Variants in TTC13 observed in about 807,000 individuals in gnomAD.
The protein encoded by TTC13 is tetratricopeptide repeat domain 13, also known as tetratricopeptide repeat protein 13.
TTC13 carries 62 observed loss-of-function variants against 120.0 expected under a neutral mutation model. That is an observed-to-expected ratio of 0.52 (90% confidence interval 0.42 to 0.64). The LOEUF (loss-of-function observed/expected upper bound fraction) is 0.64, where lower values mean the gene tolerates loss of function less well. TTC13 is among the 30% of genes least tolerant of loss of function. The pLI, the probability that TTC13 is intolerant of heterozygous loss-of-function variation, is 0.00. For missense variants in TTC13, 824 were observed against 1,050.2 expected (o/e 0.78, Z 2.98); for synonymous variants, 384 against 393.5 (o/e 0.98, Z 0.28).
intron 9 of TTC13, among the ~76,000 whole-genome samples, chr1:230,932,911 C>T (rs1673684348): frequency 6.6e-6 from 1 of 152,210 alleles, no homozygotes; most frequent in Non-Finnish European, 1.5e-5. Flanking sequence ...ACGACCAAGG[C>T]AGAACTAAGT....
chr1:230,916,397 T>A, intron 17 of TTC13, 95 bp from the exon 18 acceptor site: 1 of 941,922 alleles, frequency 1.1e-6, no homozygotes, highest in Non-Finnish European at 1.7e-6. Flanking sequence ...TACATGTTTT[T>A]AAAAAGGGCC....
At chr1:230,971,345 CAAAAAAAAAAAAAA>C (rs11453211) in intron 1 of TTC13, among the ~76,000 whole-genome samples, 1 of 80,824 alleles carries the variant, frequency 1.2e-5, no homozygotes, top group Non-Finnish European at 2.3e-5. Flanking sequence ...GACTCCATCT[CAAAAAAAAAAAAAA>C]AAAAAAAGAC....
At chr1:230,925,094 T>TA in intron 13 of TTC13, 121 bp from the exon 14 acceptor site, 1 of 1,276,566 alleles carries the variant, frequency 7.8e-7, no homozygotes, top group South Asian at 1.3e-5. Context: ...GTATTGGTGA[T>TA]ATAACAAGAC....
At chr1:230,945,514 G>T in intron 4 of TTC13, 60 bp from the exon 5 acceptor site, 1 of 1,520,294 alleles carries the variant, frequency 6.6e-7, no homozygotes, top group Non-Finnish European at 9.1e-7. Flanking sequence ...CAAAAAATCA[G>T]TTTCTGCTTA....
chr1:230,911,844 T>C (rs991080385), intron 19 of TTC13, among the ~76,000 whole-genome samples: 1 of 152,198 alleles, frequency 6.6e-6, no homozygotes, highest in African/African-American at 2.4e-5. Context: ...ATATATATTG[T>C]GACTAAAATT....
intron 1 of TTC13, among the ~76,000 whole-genome samples, chr1:230,963,033 G>C (rs999517335): frequency 9.2e-5 from 14 of 152,138 alleles, no homozygotes; most frequent in African/African-American, 3.4e-4. Context: ...CCACTGAACT[G>C]TTTGCTCTAA....
chr1:230,945,849 C>T (rs569814220), intron 4 of TTC13, among the ~76,000 whole-genome samples: 1 of 152,272 alleles, frequency 6.6e-6, no homozygotes, highest in Admixed American at 6.5e-5. Context: ...ATGCCTGTAA[C>T]TAATGTGTTT....
intron 17 of TTC13, among the ~76,000 whole-genome samples, chr1:230,916,709 A>G (rs1436771237): frequency 6.6e-6 from 1 of 152,232 alleles, no homozygotes; most frequent in African/African-American, 2.4e-5. Flanking sequence ...ACTAGTGCTC[A>G]AAGCAGAGAC....
At chr1:230,926,958 T>C (rs1673105676) in intron 12 of TTC13, among the ~76,000 whole-genome samples, 1 of 152,240 alleles carries the variant, frequency 6.6e-6, no homozygotes, top group Non-Finnish European at 1.5e-5. Flanking sequence ...CAATATACTC[T>C]ACAGTTTGGC....
intron 1 of TTC13, among the ~76,000 whole-genome samples, chr1:230,976,449 A>G (rs1194644234): frequency 6.6e-6 from 1 of 152,202 alleles, no homozygotes; most frequent in African/African-American, 2.4e-5. Context: ...AGTAGCCCCT[A>G]CAACAACAGA....
chr1:230,961,248 G>C lies in TTC13; in HGVS notation c.327C>G (p.Pro109=), dbSNP rs1405037954. ...DSDCEPKGSS[P]CDSLLSLNTE... ...TGTTGAGGGAAAGCAAGGAGTCACAGGGTGATGATCCCTTGGGTTCGCAGT... is the reference window on the plus strand; with the variant it reads ...TGTTGAGGGAAAGCAAGGAGTCACACGGTGATGATCCCTTGGGTTCGCAGT... Residue 109 remains proline (P), a synonymous_variant, in exon 2 of 23, where the codon CCC becomes CCG. Transcript: ENST00000366661. 6.2e-7 allele frequency: 1 copy of C among 1,614,098 alleles called. No homozygotes were observed. The highest frequency in any genetic ancestry group is 1.1e-5 in the South Asian group (1 of 91,038).
intron 8 of TTC13, 96 bp downstream of exon 8, chr1:230,939,290 A>G (rs954997524): frequency 8.1e-6 from 5 of 615,740 alleles, no homozygotes; most frequent in African/African-American, 7.3e-5. Flanking sequence ...GAGCTCAATA[A>G]ATAATAAATA....
rs12759183 is a variant in TTC13 at position 230,978,250 on chromosome 1, C to T, written c.271+310G>A. On this transcript the variant is annotated intron_variant, in intron 1 of 22. Coordinates refer to ENST00000366661, the MANE Select transcript of TTC13 (RefSeq NM_024525.5). The surrounding 1 kb of genome is among the most constrained non-coding windows in gnomAD (Gnocchi z 5.6). ...GAACAGGGCTGCCCCGGGCCACCTG[C>T]CATCTCCTCCGCCACCCTTCCAACA... 0.33 allele frequency among the ~76,000 whole-genome samples: 49,814 copies of T among 152,086 alleles called. 8,424 individuals carry two copies. The highest frequency in any genetic ancestry group is 0.57 in the Middle Eastern group (169 of 294).
At chr1:230,914,634 C>A (rs1021941802) in intron 18 of TTC13, among the ~76,000 whole-genome samples, 1 of 152,146 alleles carries the variant, frequency 6.6e-6, no homozygotes, top group Non-Finnish European at 1.5e-5. Flanking sequence ...ACCTAGTGAT[C>A]CGCCCGCCTT....
chr1:230,964,440 A>G (rs1676938426), intron 1 of TTC13, among the ~76,000 whole-genome samples: 2 of 152,148 alleles, frequency 1.3e-5, no homozygotes, highest in African/African-American at 2.4e-5. Context: ...CATTCTTTTT[A>G]ATCTTTCCCA....
chr1:230,936,724 T>C (rs1674088903), intron 8 of TTC13: 1 of 134,678 alleles, frequency 7.4e-6, no homozygotes, highest in Non-Finnish European at 1.6e-5. Context: ...AATTTCTAAA[T>C]TGCTGTTGGC....
intron 1 of TTC13, among the ~76,000 whole-genome samples, chr1:230,975,695 T>A: frequency 6.6e-6 from 1 of 152,086 alleles, no homozygotes; most frequent in East Asian, 1.9e-4. Flanking sequence ...ATCAAAAAGG[T>A]AAAATGTAAA....
At chr1:230,954,198 T>C (rs964178576) in intron 4 of TTC13, 135 bp downstream of exon 4, 3 of 551,492 alleles carry the variant, frequency 5.4e-6, no homozygotes, top group South Asian at 6.5e-5. Context: ...AAGAAAGTGC[T>C]CAGTCCATAC....
intron 12 of TTC13, 107 bp from the exon 13 acceptor site, chr1:230,925,754 G>T: frequency 8.0e-7 from 1 of 1,255,178 alleles, no homozygotes; most frequent in Non-Finnish European, 1.1e-6. Context: ...TAATGAAGCA[G>T]TCTACGACCA....
Sources: allele counts gnomAD v4.1 joint callset (sites outside exome capture counted in the v4.1 genomes callset), GRCh38; gene constraint gnomAD v4.1.1; non-coding constraint Gnocchi (gnomAD v3.1); transcripts MANE v1.5; gene names NCBI Gene and HGNC (gene_info 2026-07-23, HGNC 2026-07-21).